Variants in BTC observed in about 807,000 individuals in gnomAD.
BTC encodes betacellulin, also known as probetacellulin.
BTC carries 13 observed loss-of-function variants against 18.1 expected under a neutral mutation model. The ratio of observed to expected loss-of-function variants is 0.72; its 90% CI spans 0.47 to 1.14. The LOEUF (loss-of-function observed/expected upper bound fraction) is 1.14. Among genes scored for constraint, BTC ranks in the 50% most tolerant of loss-of-function variants. The pLI is 0.00. For synonymous variants in BTC, 83 were observed against 79.4 expected, an observed-to-expected ratio of 1.05 and a Z score of -0.24; for missense variants, 247 against 224.2, an observed-to-expected ratio of 1.10 and a Z score of -0.65.
At chr4:74,770,801 C>A (rs1194071481) in intron 1 of BTC, among the ~76,000 whole-genome samples, 1 of 151,554 alleles carries the variant, frequency 6.6e-6, no homozygotes, top group Non-Finnish European at 1.5e-5. Context: ...CTGAGATAAT[C>A]AGGGAAATTT....
intron 2 of BTC, among the ~76,000 whole-genome samples, chr4:74,764,530 G>A (rs1325023635): frequency 6.6e-6 from 1 of 152,086 alleles, no homozygotes; most frequent in Non-Finnish European, 1.5e-5. Flanking sequence ...GGGTGTTAGA[G>A]AGACATAAAA....
intron 1 of BTC, among the ~76,000 whole-genome samples, chr4:74,778,988 C>T (rs1039748750): frequency 2.0e-5 from 3 of 152,130 alleles, no homozygotes; most frequent in Admixed American, 2.0e-4. Flanking sequence ...TTCTCTAAAA[C>T]TGAAAGACAG....
intron 2 of BTC, among the ~76,000 whole-genome samples, chr4:74,767,866 A>T (rs1242301951): frequency 6.6e-6 from 1 of 152,000 alleles, no homozygotes; most frequent in Non-Finnish European, 1.5e-5. Context: ...CCCGCTTGTT[A>T]TACAAAAATC....
chr4:74,772,632 A>G (rs1043642914), intron 1 of BTC, among the ~76,000 whole-genome samples: 4 of 150,544 alleles, frequency 2.7e-5, no homozygotes, highest in African/African-American at 9.8e-5. Flanking sequence ...GGAGACCTTA[A>G]TTTCTTCTAA....
At chr4:74,789,290 G>A (rs559058187) in intron 1 of BTC, among the ~76,000 whole-genome samples, 20 of 152,240 alleles carry the variant, frequency 1.3e-4, no homozygotes, top group African/African-American at 4.8e-4. Context: ...TATTATGGCA[G>A]TTTCCTTTGA....
chr4:74,782,037 T>C (rs892512490), intron 1 of BTC, among the ~76,000 whole-genome samples: 12 of 152,184 alleles, frequency 7.9e-5, no homozygotes, highest in Non-Finnish European at 1.6e-4. Flanking sequence ...ATTTATTGCA[T>C]GCCAGGCACT....
At position 74,750,640 on chromosome 4, in the gene BTC, C is replaced by T. The variant is rs377140945; in HGVS notation, c.361G>A (p.Val121Met). 1 of 1,613,914 alleles carries T rather than the reference C, an allele frequency of 6.2e-7. No homozygotes were observed. Among genetic ancestry groups the T allele is most frequent in the African/African-American group, 1.3e-5 (1 of 75,026 alleles). The change falls in exon 4 of 6, where the codon GTG becomes ATG. Residue 121 changes from valine (V) to methionine (M), a missense_variant. Transcript: ENST00000395743. ...ACCATAACTGCTATCAAACAAATCA[C>T]CAGAATCTGTCCTCTGTCTCCTCTT... is the stretch of plus-strand genomic sequence containing the variant. ...YLRGDRGQIL[V>M]ICLIAVMVVF...
At chr4:74,766,117 G>T (rs887625236) in intron 2 of BTC, among the ~76,000 whole-genome samples, 4 of 151,830 alleles carry the variant, frequency 2.6e-5, no homozygotes, top group African/African-American at 9.7e-5. Flanking sequence ...TCTGTATAAG[G>T]CACTTACTAT....
chr4:74,772,916 G>A (rs1416773112), intron 1 of BTC, among the ~76,000 whole-genome samples: 1 of 152,148 alleles, frequency 6.6e-6, no homozygotes, highest in African/African-American at 2.4e-5. Flanking sequence ...ATCCCCACAG[G>A]CTGGGGGCTA....
At chr4:74,792,994 C>A (rs1725674374) in intron 1 of BTC, among the ~76,000 whole-genome samples, 1 of 152,202 alleles carries the variant, frequency 6.6e-6, no homozygotes, top group Admixed American at 6.5e-5. Flanking sequence ...CAGCACCTTG[C>A]TGACTACGAC....
chr4:74,767,100 G>C (rs1407332032), intron 2 of BTC, among the ~76,000 whole-genome samples: 1 of 143,612 alleles, frequency 7.0e-6, no homozygotes, highest in African/African-American at 2.4e-5. Context: ...AAAATAGAAG[G>C]AATCTAAATT....
chr4:74,763,710 G>A (rs1357800935), intron 2 of BTC, among the ~76,000 whole-genome samples: 5 of 152,066 alleles, frequency 3.3e-5, no homozygotes, highest in African/African-American at 1.2e-4. Flanking sequence ...TGAGGAGGTG[G>A]GGAGATAGCC....
chr4:74,751,347 A>G (rs1304924380), intron 3 of BTC, among the ~76,000 whole-genome samples: 1 of 151,944 alleles, frequency 6.6e-6, no homozygotes, highest in African/African-American at 2.4e-5. Context: ...ATGCCCTTCT[A>G]TTACTCTTCT....
intron 1 of BTC, among the ~76,000 whole-genome samples, chr4:74,772,654 A>G (rs1461193176): frequency 7.2e-6 from 1 of 139,452 alleles, no homozygotes; most frequent in Non-Finnish European, 1.6e-5. Flanking sequence ...GGTGAGAACA[A>G]AAAAAAAAAA....
intron 4 of BTC, among the ~76,000 whole-genome samples, chr4:74,749,555 C>T (rs1724394206): frequency 6.6e-6 from 1 of 151,140 alleles, no homozygotes. Flanking sequence ...TTTTCCCTAG[C>T]ACATTGCAAA....
chr4:74,791,569 C>G (rs1259829669), intron 1 of BTC, among the ~76,000 whole-genome samples: 1 of 151,980 alleles, frequency 6.6e-6, no homozygotes, highest in Non-Finnish European at 1.5e-5. Context: ...GTATTTGTAC[C>G]ATATAATCTG....
chr4:74,748,162 G>A lies in BTC; in HGVS notation c.429-13C>T, dbSNP rs782069778. 1.7e-5 allele frequency: 26 copies of A among 1,530,824 alleles called. No individual in the cohort carries two copies. The highest frequency in any genetic ancestry group is 6.8e-5 in the East Asian group (3 of 44,366). The allele number at this position is 1,530,824 out of a possible 1,614,324, so 94.8% of individuals were successfully genotyped here. ...TTTCCGAAGAGGGCTTGGAAAATAC[G>A]TGTTAGAAGTTAGTATGGGCCTAGT... On this transcript the variant is annotated splice_polypyrimidine_tract_variant and intron_variant, in intron 4 of 5. Coordinates refer to ENST00000395743, the MANE Select transcript of BTC (RefSeq NM_001729.4).
At chr4:74,751,244 G>A (rs1553956164) in intron 3 of BTC, among the ~76,000 whole-genome samples, 1 of 152,120 alleles carries the variant, frequency 6.6e-6, no homozygotes, top group Admixed American at 6.5e-5. Flanking sequence ...TTCCATAAGT[G>A]TTATTTCTAC....
At chr4:74,753,673 T>G (rs1724521480) in intron 3 of BTC, among the ~76,000 whole-genome samples, 1 of 152,170 alleles carries the variant, frequency 6.6e-6, no homozygotes, top group Non-Finnish European at 1.5e-5. Flanking sequence ...GAGTTTTGCC[T>G]GAATCTGTGC....
Sources: allele counts gnomAD v4.1 joint callset (sites outside exome capture counted in the v4.1 genomes callset), GRCh38; gene constraint gnomAD v4.1.1; transcripts MANE v1.5; gene names NCBI Gene and HGNC (gene_info 2026-07-23, HGNC 2026-07-21).